The following RSU1 variants were observed in gnomAD, a reference collection of about 807,000 sequenced individuals.
RSU1 encodes Ras suppressor protein 1, also known as rsu-1.
In RSU1, 26 loss-of-function variants were observed where a neutral mutation model predicts 31.1. That is an observed-to-expected ratio of 0.84 (90% CI 0.61 to 1.16). RSU1 has a LOEUF of 1.16. Ranked by LOEUF, RSU1 falls within the 50% of genes most tolerant of loss-of-function variation. The pLI, the probability that RSU1 is intolerant of heterozygous loss-of-function variation, is 0.00. For missense variants in RSU1, 320 were observed against 339.1 expected, an observed-to-expected ratio of 0.94 and a Z score of 0.44; for synonymous variants, 164 against 136.3, an observed-to-expected ratio of 1.20 and a Z score of -1.41.
At chr10:16,752,719 TC>T in intron 6 of RSU1, 66 bp from the exon 7 acceptor site, 4 of 1,184,220 alleles carry the variant, frequency 3.4e-6, no homozygotes, top group Non-Finnish European at 5.0e-6. Flanking sequence ...GAAACTCTCA[TC>T]CTCTATGTCC....
At chr10:16,801,034 A>G (rs1199291603) in intron 2 of RSU1, among the ~76,000 whole-genome samples, 1 of 151,974 alleles carries the variant, frequency 6.6e-6, no homozygotes, top group Non-Finnish European at 1.5e-5. Flanking sequence ...AATATCAATT[A>G]TCACATTAGA....
At chr10:16,805,260 C>G (rs1365468723) in intron 2 of RSU1, among the ~76,000 whole-genome samples, 5 of 152,018 alleles carry the variant, frequency 3.3e-5, no homozygotes, top group African/African-American at 9.7e-5. Flanking sequence ...TCATAGCAAA[C>G]GTAACACACC....
At chr10:16,741,742 C>T (rs929532177) in intron 7 of RSU1, among the ~76,000 whole-genome samples, 1 of 151,946 alleles carries the variant, frequency 6.6e-6, no homozygotes, top group South Asian at 2.1e-4. Context: ...ACCTTGACTA[C>T]GGGGTGAAGA....
rs1348254346 is a variant in RSU1 at position 16,768,879 on chromosome 10, C to G, written c.161-4369G>C. Among the ~76,000 whole-genome samples, 3 of 152,210 alleles carry G rather than the reference C, an allele frequency of 2.0e-5. No individual in the cohort carries two copies. The East Asian group carries it at 5.8e-4, about 29-fold the overall frequency. On this transcript the variant is annotated intron_variant, in intron 3 of 8. Coordinates refer to ENST00000345264, the MANE Select transcript of RSU1 (RefSeq NM_012425.4). ...TTAACTTCTCTTTGGCCAGAAGCAC[C>G]TCCACTTTGCTGGACAGGCTGGAGA...
At position 16,633,653 on chromosome 10, in the gene RSU1, C is replaced by T. The variant is rs60589447; in HGVS notation, c.732-40157G>A. Among the ~76,000 whole-genome samples the T allele has an allele frequency of 1.5e-3, 227 of 152,250 alleles. 3 individuals are homozygous for T. In the East Asian group the frequency reaches 0.026, roughly 17 times the overall value. ...TGGGGGTATTCAAGCAGGGGCCAGACGACAACCAGCTCAGGGAGGCCGTGA... is the reference window on the plus strand; with the variant it reads ...TGGGGGTATTCAAGCAGGGGCCAGATGACAACCAGCTCAGGGAGGCCGTGA... On this transcript the variant is annotated intron_variant, in intron 8 of 8. Transcript: ENST00000345264.
intron 2 of RSU1, among the ~76,000 whole-genome samples, chr10:16,797,298 G>C (rs1034468753): frequency 6.6e-6 from 1 of 152,200 alleles, no homozygotes; most frequent in Non-Finnish European, 1.5e-5. Context: ...GAGAAAAAGA[G>C]ACCAAGGATA....
chr10:16,702,523 C>G (rs779152485), intron 7 of RSU1, among the ~76,000 whole-genome samples: 2 of 152,152 alleles, frequency 1.3e-5, no homozygotes, highest in East Asian at 3.9e-4. Context: ...ATGTGGAACA[C>G]GGAGTCAAGG....
intron 7 of RSU1, among the ~76,000 whole-genome samples, chr10:16,734,363 A>G (rs1037758104): frequency 1.3e-5 from 2 of 152,208 alleles, no homozygotes; most frequent in Non-Finnish European, 2.9e-5. Flanking sequence ...CTTCATCTGC[A>G]TGTGATTCAG....
chr10:16,731,668 T>A (rs1020995564), intron 7 of RSU1, among the ~76,000 whole-genome samples: 2 of 152,214 alleles, frequency 1.3e-5, no homozygotes, highest in Non-Finnish European at 2.9e-5. Flanking sequence ...CTTTGCATTA[T>A]CATTTTTAAA....
intron 7 of RSU1, among the ~76,000 whole-genome samples, chr10:16,737,836 C>T (rs1034217057): frequency 6.6e-6 from 1 of 151,424 alleles, no homozygotes; most frequent in African/African-American, 2.4e-5. Flanking sequence ...TGATGGGGCA[C>T]ATAAAACTTT....
chr10:16,736,911 A>G (rs1176071751), intron 7 of RSU1, among the ~76,000 whole-genome samples: 2 of 151,900 alleles, frequency 1.3e-5, no homozygotes, highest in Non-Finnish European at 2.9e-5. Flanking sequence ...GAAACAATAA[A>G]TCTTACTGAA....
intron 8 of RSU1, among the ~76,000 whole-genome samples, chr10:16,643,017 T>C (rs982411701): frequency 1.1e-4 from 16 of 152,188 alleles, no homozygotes; most frequent in African/African-American, 3.6e-4. Flanking sequence ...TTACTTTACT[T>C]AGGAGACAAA....
chr10:16,594,700 CAT>C (rs1266673479), intron 8 of RSU1, among the ~76,000 whole-genome samples: 7 of 143,996 alleles, frequency 4.9e-5, no homozygotes, highest in African/African-American at 1.3e-4. Context: ...TTATATGTAT[CAT>C]AGATAATATA....
chr10:16,679,662 T>C (rs1239867415), intron 8 of RSU1, among the ~76,000 whole-genome samples: 2 of 151,958 alleles, frequency 1.3e-5, no homozygotes, highest in Non-Finnish European at 2.9e-5. Context: ...GGAAAGCAGG[T>C]TGTATCTCTG....
chr10:16,768,527 C>T (rs931511383), intron 3 of RSU1, among the ~76,000 whole-genome samples: 2 of 152,146 alleles, frequency 1.3e-5, no homozygotes, highest in African/African-American at 4.8e-5. Flanking sequence ...CCTCAATGTC[C>T]CATTTCGCTC....
intron 2 of RSU1, among the ~76,000 whole-genome samples, chr10:16,804,139 A>C (rs1404300334): frequency 6.6e-6 from 1 of 152,234 alleles, no homozygotes; most frequent in African/African-American, 2.4e-5. Flanking sequence ...ACACCAACCC[A>C]ATTAAAAAGT....
In RSU1 at chr10:16,592,458, T is replaced by C. The variant is rs1407068401; in HGVS notation, c.*936A>G. 1 of 152,218 alleles carries C rather than the reference T, an allele frequency of 6.6e-6. No homozygotes were observed. Among genetic ancestry groups the C allele is most frequent in the Non-Finnish European group, 1.5e-5 (1 of 68,034 alleles). The allele number at this position is 152,218 out of a possible 1,614,324, so 9.4% of individuals were successfully genotyped here. On this transcript the variant is annotated 3_prime_UTR_variant, in exon 9 of 9. Coordinates refer to ENST00000345264, the MANE Select transcript of RSU1 (RefSeq NM_012425.4). ...GACTCTGCAACTGTGGTTTCCACCCTGGGTGTGGTGTAGCGCGTGCACATT... is the reference window on the plus strand; with the variant it reads ...GACTCTGCAACTGTGGTTTCCACCCCGGGTGTGGTGTAGCGCGTGCACATT...
rs1833533167 is a variant in RSU1, at chr10:16,592,872, T to C, written c.*522A>G. ...AATGAAAATGTGTTATACCCCAAGA[T>C]CAGACTGTTCTTTTATTCTGAGTCA... On this transcript the variant is annotated 3_prime_UTR_variant, in exon 9 of 9. Transcript: ENST00000345264. The C allele has an allele frequency of 6.6e-6, 1 of 152,454 alleles. No homozygotes were observed. The highest frequency in any genetic ancestry group is 2.4e-5 in the African/African-American group (1 of 41,454). 9.4% of individuals were successfully genotyped at this position (152,454 alleles called of 1,614,324 possible).
intron 8 of RSU1, among the ~76,000 whole-genome samples, chr10:16,669,792 G>A (rs1375573482): frequency 6.6e-6 from 1 of 152,184 alleles, no homozygotes. Context: ...GTATTCCATG[G>A]TGTATATGTA....
Sources: allele counts gnomAD v4.1 joint callset (sites outside exome capture counted in the v4.1 genomes callset), GRCh38; gene constraint gnomAD v4.1.1; transcripts MANE v1.5; gene names NCBI Gene and HGNC (gene_info 2026-07-23, HGNC 2026-07-21).